Variants in SMG5 observed in about 807,000 individuals in gnomAD.
The protein encoded by SMG5 is SMG5 nonsense mediated mRNA decay factor.
SMG5 carries 53 observed loss-of-function variants against 122.9 expected under a neutral mutation model. That is an observed-to-expected ratio of 0.43 (90% CI 0.35 to 0.54). SMG5 has a LOEUF of 0.54. SMG5 is among the 20% of genes least tolerant of loss of function. The pLI is 0.01. For missense variants in SMG5, 1,153 were observed against 1,285.6 expected (o/e 0.90, Z 1.58); for synonymous variants, 477 against 490.2 (o/e 0.97, Z 0.35).
upstream of SMG5, among the ~76,000 whole-genome samples, chr1:156,286,923 G>C (rs906435045): frequency 1.3e-5 from 2 of 152,146 alleles, no homozygotes; most frequent in African/African-American, 4.8e-5. Flanking sequence ...AGGAGTTCGA[G>C]ACCAGCCTGG....
chr1:156,265,072 C>CACACACAA (rs1553293436), intron 12 of SMG5, among the ~76,000 whole-genome samples: 1 of 147,734 alleles, frequency 6.8e-6, no homozygotes, highest in Non-Finnish European at 1.5e-5. Context: ...CACACACACA[C>CACACACAA]AAAAGCCGGG....
Position 156,282,523 on chromosome 1 carries a change from GGGCCCCGCCCGCCCGGGA to G in SMG5, c.74+66_74+83del, listed in dbSNP as rs1572604050. 10 of 1,464,444 alleles carry G rather than the reference GGGCCCCGCCCGCCCGGGA, an allele frequency of 6.8e-6. No homozygotes were observed. In the East Asian group the frequency reaches 7.5e-5, roughly 11 times the overall value. The allele number at this position is 1,464,444 out of a possible 1,614,324, so 90.7% of individuals were successfully genotyped here. A position where few individuals can be genotyped will look rare whatever the true frequency, so the allele number is the denominator to read the frequency against. ...TCACCCGCACCTCACCCCGACACCC[GGGCCCCGCCCGCCCGGGA>G]GGCCCCGCCCCTCGCCGTCTCCCCA... On this transcript the variant is annotated intron_variant, in intron 1 of 21. Coordinates refer to ENST00000361813, the MANE Select transcript of SMG5 (RefSeq NM_015327.3).
At chr1:156,279,146 G>C in intron 1 of SMG5, 112 bp from the exon 2 acceptor site, 1 of 888,412 alleles carries the variant, frequency 1.1e-6, no homozygotes, top group Non-Finnish European at 1.8e-6. Flanking sequence ...GAGGGAAAAA[G>C]GAGAAGGCTG....
At chr1:156,272,463 C>G in intron 6 of SMG5, 65 bp from the exon 7 acceptor site, 1 of 1,358,868 alleles carries the variant, frequency 7.4e-7, no homozygotes, top group East Asian at 2.5e-5. Flanking sequence ...CCAGGCCCAA[C>G]CAATGCTAAG....
intron 15 of SMG5, 128 bp downstream of exon 15, chr1:156,260,323 G>A: frequency 8.8e-7 from 1 of 1,132,284 alleles, no homozygotes; most frequent in African/African-American, 1.6e-5. Flanking sequence ...ACAGCCTGTA[G>A]CCCCAAGGAC....
intron 5 of SMG5, among the ~76,000 whole-genome samples, chr1:156,274,096 T>C (rs944545199): frequency 2.0e-5 from 3 of 152,098 alleles, no homozygotes; most frequent in Non-Finnish European, 4.4e-5. Context: ...TAAGACATAA[T>C]GCACCCAACA....
In SMG5 at chr1:156,282,754, C is replaced by CGGCCGT; in HGVS notation, c.-80_-75dup. On this transcript the variant is annotated 5_prime_UTR_variant, in exon 1 of 22. Coordinates refer to ENST00000361813, the MANE Select transcript of SMG5 (RefSeq NM_015327.3). ...CCACTACCGCCAACACTGCCGTCTC[C>CGGCCGT]GGCCGTAGCCGCAGCCGCCGCCGCC... 1 of 1,459,700 alleles carries CGGCCGT rather than the reference C, an allele frequency of 6.9e-7. No homozygotes were observed. Among genetic ancestry groups the CGGCCGT allele is most frequent in the East Asian group, 2.5e-5 (1 of 39,544 alleles). 90.4% of individuals were successfully genotyped at this position (1,459,700 alleles called of 1,614,324 possible).
intron 12 of SMG5, among the ~76,000 whole-genome samples, chr1:156,264,921 G>A (rs1662047523): frequency 6.6e-6 from 1 of 151,272 alleles, no homozygotes; most frequent in Non-Finnish European, 1.5e-5. Flanking sequence ...AGCTACTTGG[G>A]AGGCTGAGGC....
chr1:156,276,957 C>T, intron 4 of SMG5, 128 bp downstream of exon 4: 2 of 881,320 alleles, frequency 2.3e-6, no homozygotes, highest in Non-Finnish European at 3.5e-6. Flanking sequence ...CTTCATAAAC[C>T]ATTTGTATGT....
At chr1:156,274,511 CAT>C in intron 5 of SMG5, 84 bp downstream of exon 5, 1 of 1,215,312 alleles carries the variant, frequency 8.2e-7, no homozygotes. Context: ...GCTCTCCAAC[CAT>C]GTAATGGGTG....
chr1:156,277,118 T>C lies in SMG5; in HGVS notation c.421A>G (p.Ile141Val), dbSNP rs754588901. The C allele has an allele frequency of 3.7e-6, 6 of 1,613,772 alleles. No homozygotes were observed. Among genetic ancestry groups the C allele is most frequent in the Admixed American group, 1.7e-5 (1 of 59,986 alleles). ...GGGTCAGTGACATGGGTCCAGTCGA[T>C]GCAGCACTGCAGTTCCAGCTGGTAG... ...SHYQLELQCC[I>V]DWTHVTDPLI... Residue 141 changes from isoleucine (I) to valine (V), a missense_variant, in exon 4 of 22, where the codon ATC becomes GTC. By Grantham distance (29) the Ile-to-Val change is conservative. Coordinates refer to ENST00000361813, the MANE Select transcript of SMG5 (RefSeq NM_015327.3).
chr1:156,253,024 T>C lies in SMG5; in HGVS notation c.2557A>G (p.Met853Val). The part of the protein sequence containing the change: ...SLQQPKAQSA[M>V]SPYLVPDTQA... ...GTGTCAGGGACGAGGTAGGGAGACA[T>C]GGCTGACTGGGCCTTGGGCTGCTGC... Residue 853 changes from methionine (M) to valine (V), a missense_variant, in exon 18 of 22, where the codon ATG (methionine) becomes GTG (valine). By Grantham distance (21) the Met-to-Val change is conservative. Transcript: ENST00000361813. 1 of 1,612,918 alleles carries C rather than the reference T, an allele frequency of 6.2e-7. No homozygotes were observed. The highest frequency in any genetic ancestry group is 8.5e-7 in the Non-Finnish European group (1 of 1,179,664).
chr1:156,283,570 G>A (rs1663061419), upstream of SMG5, among the ~76,000 whole-genome samples: 1 of 152,218 alleles, frequency 6.6e-6, no homozygotes, highest in Admixed American at 6.5e-5. Context: ...TTACAGCTAG[G>A]AGCGTGACTG....
At chr1:156,275,331 C>A (rs1662635402) in intron 4 of SMG5, among the ~76,000 whole-genome samples, 1 of 152,194 alleles carries the variant, frequency 6.6e-6, no homozygotes, top group Non-Finnish European at 1.5e-5. Flanking sequence ...TCAAATATGC[C>A]TGAGCACTCA....
At chr1:156,264,377 T>G (rs2103224386) in intron 12 of SMG5, among the ~76,000 whole-genome samples, 1 of 151,964 alleles carries the variant, frequency 6.6e-6, no homozygotes, top group Admixed American at 6.6e-5. Context: ...ATCCCTCATT[T>G]CTGCCATTCA....
chr1:156,275,131 T>TAAAAAAAAAAAAAAAAAAAAGAAAAAA (rs760480249), intron 4 of SMG5, among the ~76,000 whole-genome samples: 1 of 86,892 alleles, frequency 1.2e-5, no homozygotes, highest in African/African-American at 4.9e-5. Context: ...TGACGCCAAT[T>TAAAAAAAAAAAAAAAAAAAAGAAAAAA]AAAAAAAAAA....
Position 156,252,485 on chromosome 1 carries a change from C to A in SMG5, c.2682G>T (p.Leu894Phe), listed in dbSNP as rs1661395115. ...IPRTVIDGLDLLKKEHPGARD... is the reference protein window; with the variant it reads ...IPRTVIDGLDFLKKEHPGARD... Reference sequence around the variant, plus strand: ...GGGCCCCTGGGTGTTCCTTCTTCAGCAAATCCAGGCCATCGATCACTGGTG... The same window carrying A: ...GGGCCCCTGGGTGTTCCTTCTTCAGAAAATCCAGGCCATCGATCACTGGTG... The change falls in exon 19 of 22, where the codon TTG (leucine) becomes TTT (phenylalanine). Residue 894 changes from leucine (L) to phenylalanine (F), a missense_variant. Physicochemically the swap from Leu to Phe is conservative, Grantham distance 22 (BLOSUM62 0). Around this residue, in one of 5 missense-constraint regions of SMG5, gnomAD observed 140 missense variants for 227.8 expected, o/e 0.61. Coordinates refer to ENST00000361813, the MANE Select transcript of SMG5 (RefSeq NM_015327.3). 1 of 1,614,072 alleles carries A rather than the reference C, an allele frequency of 6.2e-7. No homozygotes were observed. The highest frequency in any genetic ancestry group is 8.5e-7 in the Non-Finnish European group (1 of 1,180,010).
chr1:156,251,325 A>G, intron 20 of SMG5, 78 bp downstream of exon 20: 4 of 1,514,596 alleles, frequency 2.6e-6, no homozygotes, highest in Non-Finnish European at 3.7e-6. Flanking sequence ...ATCCAGCCCT[A>G]CCCGTTCTCC....
At chr1:156,286,102 C>T, upstream of SMG5, 1 of 1,447,824 alleles carries the variant, frequency 6.9e-7, no homozygotes, top group Non-Finnish European at 9.4e-7. Context: ...GGGTCTCCCA[C>T]CCCCTGCCAG....
Sources: allele counts gnomAD v4.1 joint callset (sites outside exome capture counted in the v4.1 genomes callset), GRCh38; gene constraint gnomAD v4.1.1; regional missense constraint gnomAD v4.1.1; transcripts MANE v1.5; gene names NCBI Gene and HGNC (gene_info 2026-07-23, HGNC 2026-07-21).